FSTL5: variants seen among roughly 807,000 people sequenced by gnomAD.
FSTL5 encodes the protein follistatin like 5.
In FSTL5, 62 loss-of-function variants were observed where a neutral mutation model predicts 89.1. The observed-to-expected ratio is 0.70, with a 90% confidence interval of 0.57 to 0.86. FSTL5 has a LOEUF of 0.86. Ranked by LOEUF, FSTL5 falls within the 40% of genes least tolerant of loss-of-function variation. FSTL5 has a pLI of 0.00. For missense variants in FSTL5, 1,057 were observed against 1,001.6 expected, an observed-to-expected ratio of 1.06 and a Z score of -0.75; for synonymous variants, 383 against 346.2, an observed-to-expected ratio of 1.11 and a Z score of -1.18.
intron 3 of FSTL5, among the ~76,000 whole-genome samples, chr4:161,947,395 G>A (rs536516147): frequency 1.4e-3 from 215 of 152,088 alleles, no homozygotes; most frequent in African/African-American, 5.0e-3. Flanking sequence ...TTAAGACTAT[G>A]ATACATCTTG....
chr4:161,793,196 G>A (rs902295486), intron 4 of FSTL5, among the ~76,000 whole-genome samples: 2 of 152,184 alleles, frequency 1.3e-5, no homozygotes, highest in African/African-American at 4.8e-5. Context: ...ACTGTGCCCA[G>A]CGGCCAGACC....
intron 8 of FSTL5, among the ~76,000 whole-genome samples, chr4:161,573,157 C>A (rs1317953460): frequency 6.6e-6 from 1 of 152,074 alleles, no homozygotes; most frequent in East Asian, 1.9e-4. Flanking sequence ...CGCCTGTAGT[C>A]CCAGCATTTT....
chr4:161,832,664 G>A (rs1286935353), intron 4 of FSTL5, among the ~76,000 whole-genome samples: 1 of 152,102 alleles, frequency 6.6e-6, no homozygotes, highest in African/African-American at 2.4e-5. Context: ...TAGTTTATTT[G>A]CGTAAAGGTG....
chr4:162,162,790 G>A (rs773483160), intron 1 of FSTL5, among the ~76,000 whole-genome samples: 14 of 152,266 alleles, frequency 9.2e-5, no homozygotes, highest in Non-Finnish European at 1.6e-4. Context: ...CTGAAATAGT[G>A]AGACATTTTC....
At chr4:161,895,554 A>G (rs1345449086) in intron 4 of FSTL5, among the ~76,000 whole-genome samples, 5 of 152,146 alleles carry the variant, frequency 3.3e-5, no homozygotes, top group Non-Finnish European at 7.4e-5. Flanking sequence ...GAATTTTTGG[A>G]ATCATCTGCT....
intron 3 of FSTL5, among the ~76,000 whole-genome samples, chr4:161,935,354 C>G (rs2110906834): frequency 6.6e-6 from 1 of 152,210 alleles, no homozygotes; most frequent in Non-Finnish European, 1.5e-5. Flanking sequence ...AGAATCTTTG[C>G]CTTTCCTCAA....
chr4:161,509,707 G>A (rs918345707), intron 11 of FSTL5, among the ~76,000 whole-genome samples: 13 of 152,052 alleles, frequency 8.5e-5, no homozygotes, highest in African/African-American at 2.9e-4. Context: ...GTGTAATGAT[G>A]GCTTTTAGAC....
At chr4:161,884,981 A>G (rs917956806) in intron 4 of FSTL5, among the ~76,000 whole-genome samples, 1 of 152,124 alleles carries the variant, frequency 6.6e-6, no homozygotes. Context: ...TTATTGACAG[A>G]AAACCATCAG....
At chr4:162,083,592 ATTT>A (rs1328756068) in intron 2 of FSTL5, among the ~76,000 whole-genome samples, 2 of 151,836 alleles carry the variant, frequency 1.3e-5, no homozygotes, top group Non-Finnish European at 2.9e-5. Context: ...GGAAAACAAG[ATTT>A]TCAACTGAAA....
chr4:161,907,006 T>C (rs1733555396), intron 4 of FSTL5, among the ~76,000 whole-genome samples: 1 of 152,148 alleles, frequency 6.6e-6, no homozygotes, highest in South Asian at 2.1e-4. Context: ...ATACTAGTTA[T>C]TTTTGAGCTA....
chr4:161,773,109 C>T (rs935060894), intron 5 of FSTL5, among the ~76,000 whole-genome samples: 10 of 152,082 alleles, frequency 6.6e-5, no homozygotes, highest in Non-Finnish European at 1.3e-4. Context: ...ACACTCTATT[C>T]AACAGATGGT....
chr4:161,942,525 A>T (rs987297225), intron 3 of FSTL5, among the ~76,000 whole-genome samples: 2 of 152,100 alleles, frequency 1.3e-5, no homozygotes, highest in East Asian at 3.9e-4. Flanking sequence ...AAGACCTCCC[A>T]ATCAAATATA....
At chr4:161,400,307 T>C (rs1435363922) in intron 15 of FSTL5, among the ~76,000 whole-genome samples, 1 of 152,040 alleles carries the variant, frequency 6.6e-6, no homozygotes, top group Non-Finnish European at 1.5e-5. Context: ...GGTACATAAA[T>C]AGTTGAGTAG....
chr4:161,735,690 C>T (rs1334896872), intron 6 of FSTL5, among the ~76,000 whole-genome samples: 2 of 151,932 alleles, frequency 1.3e-5, no homozygotes, highest in Non-Finnish European at 2.9e-5. Flanking sequence ...GCATATATAA[C>T]TTCAGTAAAA....
intron 6 of FSTL5, among the ~76,000 whole-genome samples, chr4:161,751,042 T>A (rs1035579543): frequency 7.7e-6 from 1 of 129,552 alleles, no homozygotes; most frequent in African/African-American, 3.8e-5. Flanking sequence ...GGATTATAAA[T>A]CATTATGTTA....
At chr4:162,110,379 A>C (rs537736352) in intron 2 of FSTL5, among the ~76,000 whole-genome samples, 2 of 151,998 alleles carry the variant, frequency 1.3e-5, no homozygotes, top group African/African-American at 4.8e-5. Flanking sequence ...TGGCTATTTT[A>C]TCAAAATATT....
intron 6 of FSTL5, among the ~76,000 whole-genome samples, chr4:161,681,592 C>T (rs951034909): frequency 6.6e-6 from 1 of 151,758 alleles, no homozygotes; most frequent in Non-Finnish European, 1.5e-5. Flanking sequence ...AAATCCTATT[C>T]GTAATCATTA....
intron 7 of FSTL5, among the ~76,000 whole-genome samples, chr4:161,636,790 A>G (rs1446906746): frequency 1.4e-5 from 2 of 141,828 alleles, no homozygotes; most frequent in East Asian, 2.1e-4. Flanking sequence ...AAGGACATGA[A>G]CTCATCATTT....
At chr4:161,584,134 T>G (rs1733528187) in intron 8 of FSTL5, among the ~76,000 whole-genome samples, 1 of 152,188 alleles carries the variant, frequency 6.6e-6, no homozygotes, top group African/African-American at 2.4e-5. Context: ...TACATATTAT[T>G]ATTTCAATTG....
Sources: allele counts gnomAD v4.1 joint callset (sites outside exome capture counted in the v4.1 genomes callset), GRCh38; gene constraint gnomAD v4.1.1; transcripts MANE v1.5; gene names NCBI Gene and HGNC (gene_info 2026-07-23, HGNC 2026-07-21).